Variants in FER1L6 observed in about 807,000 individuals in gnomAD.
FER1L6 encodes fer-1-like protein 6.
A neutral mutation model predicts 219.2 loss-of-function variants in FER1L6; 177 were observed. That is an observed-to-expected ratio of 0.81 (90% CI 0.71 to 0.91). The LOEUF is 0.91. FER1L6 is among the 40% of genes least tolerant of loss of function. FER1L6 has a pLI of 0.00. For missense variants in FER1L6, 2,153 were observed against 2,259.9 expected, an observed-to-expected ratio of 0.95 and a Z score of 0.96; for synonymous variants, 768 against 824.3, an observed-to-expected ratio of 0.93 and a Z score of 1.17.
At chr8:124,072,364 G>A (rs1009333085) in intron 31 of FER1L6, among the ~76,000 whole-genome samples, 2 of 152,070 alleles carry the variant, frequency 1.3e-5, no homozygotes, top group African/African-American at 2.4e-5. Context: ...GAAACTTTTC[G>A]GCCTCATTAG....
Position 124,023,558 on chromosome 8 carries a change from G to A in FER1L6, c.2248G>A (p.Gly750Ser). ...LLYSPVAGQM[G>S]KHCGKIKTHF... ...CTATTCCCCTGTCGCGGGGCAGATGGGCAAACACTGCGGCAAGATCAAAAC... is the reference window on the plus strand; with the variant it reads ...CTATTCCCCTGTCGCGGGGCAGATGAGCAAACACTGCGGCAAGATCAAAAC... Residue 750 changes from glycine to serine, a missense_variant, in exon 18 of 41, where the codon GGC (glycine) becomes AGC (serine). By Grantham distance (56) the Gly-to-Ser change is moderately conservative. Coordinates refer to ENST00000522917, the MANE Select transcript of FER1L6 (RefSeq NM_001039112.2). 6.2e-7 allele frequency: 1 copy of A among 1,614,122 alleles called. No individual in the cohort carries two copies. Among genetic ancestry groups the A allele is most frequent in the South Asian group, 1.1e-5 (1 of 91,082 alleles).
intron 9 of FER1L6, 106 bp from the exon 10 acceptor site, chr8:123,977,311 G>A (rs768949951): frequency 2.6e-6 from 3 of 1,166,510 alleles, no homozygotes; most frequent in Non-Finnish European, 3.7e-6. Context: ...TCAGAAGCAG[G>A]TTCATTATCT....
chr8:123,882,763 T>C (rs547941803), intron 1 of FER1L6, among the ~76,000 whole-genome samples: 1 of 152,260 alleles, frequency 6.6e-6, no homozygotes, highest in South Asian at 2.1e-4. Flanking sequence ...GGAGGATTTT[T>C]AGGGCAGTGA....
chr8:123,879,411 C>T (rs1817065714), intron 1 of FER1L6, among the ~76,000 whole-genome samples: 1 of 152,152 alleles, frequency 6.6e-6, no homozygotes, highest in Non-Finnish European at 1.5e-5. Context: ...ACTGCAAGCT[C>T]TGCCTCCCAG....
chr8:124,063,011 G>C (rs796563794), intron 25 of FER1L6, among the ~76,000 whole-genome samples: 5 of 152,244 alleles, frequency 3.3e-5, no homozygotes, highest in African/African-American at 1.2e-4. Flanking sequence ...CTACCCTGTG[G>C]ACACAAATTA....
intron 11 of FER1L6, 43 bp from the exon 12 acceptor site, chr8:123,986,025 G>GA (rs1047136522): frequency 8.5e-7 from 1 of 1,172,878 alleles, no homozygotes; most frequent in African/African-American, 1.5e-5. Flanking sequence ...CCTAATGAGA[G>GA]AAAAAGCCAG....
rs374659858 is a variant in FER1L6 at position 123,975,910 on chromosome 8, C to T, written c.696C>T (p.Ile232=). The T allele has an allele frequency of 1.9e-6, 3 of 1,585,872 alleles. No homozygotes were observed. The African/African-American group carries it at 4.0e-5, about 21-fold the overall frequency. ...GTCTCCCTCTAAGGAACCTTTTGAT[C>T]CCCAATGGGTTTCCACTGGAGAGAC... ...TEEPIEKNLL[I]PNGFPLERPW... Residue 232 remains isoleucine (I), a synonymous_variant, in exon 9 of 41, where the codon ATC becomes ATT. Coordinates refer to ENST00000522917, the MANE Select transcript of FER1L6 (RefSeq NM_001039112.2).
intron 2 of FER1L6, among the ~76,000 whole-genome samples, chr8:123,961,894 T>G (rs1212924939): frequency 2.0e-5 from 3 of 150,006 alleles, no homozygotes; most frequent in Middle Eastern, 3.4e-3. Flanking sequence ...TTTTTTTTTT[T>G]TTTTGAGATG....
chr8:124,010,004 G>A (rs1281667487), intron 13 of FER1L6, among the ~76,000 whole-genome samples: 1 of 151,902 alleles, frequency 6.6e-6, no homozygotes, highest in African/African-American at 2.4e-5. Context: ...TGGCGACCCG[G>A]GGAGGAGAGG....
intron 3 of FER1L6, among the ~76,000 whole-genome samples, chr8:123,964,598 T>A (rs1815451911): frequency 6.6e-6 from 1 of 152,174 alleles, no homozygotes; most frequent in African/African-American, 2.4e-5. Flanking sequence ...GAATAGGGAT[T>A]TCAGTCATTT....
chr8:124,024,791 C>T (rs899567266), intron 18 of FER1L6, among the ~76,000 whole-genome samples: 3 of 152,104 alleles, frequency 2.0e-5, no homozygotes, highest in Non-Finnish European at 4.4e-5. Flanking sequence ...TACTGTTTTC[C>T]GTAGAGGTTG....
intron 1 of FER1L6, among the ~76,000 whole-genome samples, chr8:123,908,931 C>T (rs1472016137): frequency 2.0e-5 from 3 of 152,058 alleles, no homozygotes; most frequent in South Asian, 2.1e-4. Context: ...AGGGGTCAAG[C>T]GTATCACTAT....
At position 124,119,751 on chromosome 8, in the gene FER1L6, G is replaced by T. The variant is rs143250442; in HGVS notation, c.5535G>T (p.Leu1845Phe). The change falls in exon 41 of 41, where the codon TTG becomes TTT. Residue 1845 changes from leucine to phenylalanine, a missense_variant. Coordinates refer to ENST00000522917, the MANE Select transcript of FER1L6 (RefSeq NM_001039112.2). ...TCCTCGTCCTTTTCATCTACACCTT[G>T]CCAGGAGCCATCAGCCGAAGGATCG... is the stretch of plus-strand genomic sequence containing the variant. ...IIFLVLFIYT[L>F]PGAISRRIVV... The T allele has an allele frequency of 6.2e-7, 1 of 1,613,908 alleles. No individual in the cohort carries two copies. The highest frequency in any genetic ancestry group is 2.2e-5 in the East Asian group (1 of 44,866).
chr8:124,051,810 G>A (rs930433094), intron 22 of FER1L6, among the ~76,000 whole-genome samples: 2 of 152,114 alleles, frequency 1.3e-5, no homozygotes, highest in South Asian at 2.1e-4. Context: ...GGTTGCACAC[G>A]GCTACAGTAA....
chr8:123,977,553 T>G lies in FER1L6; in HGVS notation c.1007T>G (p.Leu336Arg). 1 of 1,614,094 alleles carries G rather than the reference T, an allele frequency of 6.2e-7. No individual in the cohort carries two copies. The highest frequency in any genetic ancestry group is 8.5e-7 in the Non-Finnish European group (1 of 1,180,006). The change falls in exon 10 of 41, where the codon CTG becomes CGG. Residue 336 changes from leucine (L) to arginine (R), a missense_variant. Leu to Arg is a moderately radical substitution (Grantham distance 102, BLOSUM62 -2). Coordinates refer to ENST00000522917, the MANE Select transcript of FER1L6 (RefSeq NM_001039112.2). ...WDEGSMNDVA[L>R]ATHFIDLKKI... is the part of the protein sequence containing the mutation. ...GAAGGCAGCATGAATGACGTAGCCC[T>G]GGCAACCCATTTCATTGACCTGAAG...
chr8:123,942,709 T>C (rs570851575), intron 1 of FER1L6, among the ~76,000 whole-genome samples: 2 of 152,338 alleles, frequency 1.3e-5, no homozygotes, highest in East Asian at 3.9e-4. Context: ...TCATTGGATT[T>C]AGGGTCCACT....
chr8:123,957,831 G>A (rs1246873338), intron 2 of FER1L6, among the ~76,000 whole-genome samples: 1 of 152,078 alleles, frequency 6.6e-6, no homozygotes, highest in African/African-American at 2.4e-5. Flanking sequence ...GAGGAATCAG[G>A]GCCCTCCTAG....
chr8:123,865,450 C>A (rs1816818540), intron 1 of FER1L6, among the ~76,000 whole-genome samples: 1 of 151,190 alleles, frequency 6.6e-6, no homozygotes, highest in Non-Finnish European at 1.5e-5. Context: ...CTGTGCCCTG[C>A]CCCCAGAGGT....
At chr8:124,053,153 G>A (rs1820127590) in intron 22 of FER1L6, among the ~76,000 whole-genome samples, 1 of 152,180 alleles carries the variant, frequency 6.6e-6, no homozygotes, top group Non-Finnish European at 1.5e-5. Context: ...CTGAGAGGCT[G>A]CATCTGCCAA....
Sources: gnomAD v4.1 joint callset for allele counts (sites outside exome capture counted in the v4.1 genomes callset) on GRCh38, gnomAD v4.1.1 for gene constraint, MANE v1.5 for transcripts, NCBI Gene and HGNC (gene_info 2026-07-23, HGNC 2026-07-21) for gene names.